NBEA: variants seen among roughly 807,000 people sequenced by gnomAD.
The protein encoded by NBEA is neurobeachin, also known as lysosomal-trafficking regulator 2.
In NBEA, 44 loss-of-function variants were observed where a neutral mutation model predicts 343.4. The ratio of observed to expected loss-of-function variants is 0.13; its 90% CI spans 0.10 to 0.16. NBEA has a LOEUF of 0.16. Ranked by LOEUF, NBEA falls within the 10% of genes least tolerant of loss-of-function variation. The probability of loss-of-function intolerance (pLI) is 1.00; values close to 1 mark genes in which losing one functional copy is unlikely to be tolerated. For missense variants in NBEA, 2,555 were observed against 3,631.3 expected, an observed-to-expected ratio of 0.70 and a Z score of 7.62; for synonymous variants, 1,175 against 1,238.7, an observed-to-expected ratio of 0.95 and a Z score of 1.08.
At chr13:35,370,208 T>C (rs1407335201) in intron 38 of NBEA, among the ~76,000 whole-genome samples, 1 of 152,028 alleles carries the variant, frequency 6.6e-6, no homozygotes, top group Non-Finnish European at 1.5e-5. Context: ...TTTATATATC[T>C]AGGTGCTCCT....
chr13:35,584,314 C>CT (rs67450016), intron 46 of NBEA, among the ~76,000 whole-genome samples: 244 of 134,294 alleles, frequency 1.8e-3, no homozygotes, highest in Middle Eastern at 7.6e-3. Flanking sequence ...GAGTACATAC[C>CT]TTTTTTTTTT....
At chr13:35,662,502 A>G (rs1259968261) in intron 55 of NBEA, among the ~76,000 whole-genome samples, 1 of 152,200 alleles carries the variant, frequency 6.6e-6, no homozygotes, top group Non-Finnish European at 1.5e-5. Flanking sequence ...GAAATATAGG[A>G]AACAAGCTTT....
chr13:35,593,422 G>C lies in NBEA; in HGVS notation c.7271G>C (p.Ser2424Thr). 2 of 1,611,692 alleles carry C rather than the reference G, an allele frequency of 1.2e-6. No individual in the cohort carries two copies. Among genetic ancestry groups the C allele is most frequent in the Non-Finnish European group, 1.7e-6 (2 of 1,178,330 alleles). ...FSSVARSWRT[S>T]QRDTSDVKEL... ...TCCGTTGCAAGGTCTTGGAGAACTA[G>C]TCAGAGAGATACTTCTGATGTAAAG... The change falls in exon 47 of 59, where the codon AGT becomes ACT. Residue 2424 changes from serine to threonine, a missense_variant. Ser to Thr is a moderately conservative substitution (Grantham distance 58). Around this residue, in one of 21 missense-constraint regions of NBEA, gnomAD observed 156 missense variants for 185.8 expected, o/e 0.84. Transcript: ENST00000379939.
chr13:34,962,855 G>A (rs998387042), intron 1 of NBEA, among the ~76,000 whole-genome samples: 4 of 152,074 alleles, frequency 2.6e-5, no homozygotes, highest in East Asian at 1.9e-4. Context: ...TCTCTCTTCC[G>A]GTATTTAGAT....
chr13:35,037,837 C>T (rs1298662489), intron 1 of NBEA, among the ~76,000 whole-genome samples: 3 of 152,160 alleles, frequency 2.0e-5, no homozygotes, highest in Non-Finnish European at 2.9e-5. Flanking sequence ...CTGCCTTAAT[C>T]GCTCCTTGGC....
intron 38 of NBEA, among the ~76,000 whole-genome samples, chr13:35,413,983 AT>A (rs1378150551): frequency 2.6e-5 from 4 of 152,146 alleles, no homozygotes; most frequent in Non-Finnish European, 5.9e-5. Context: ...TCGGTGTAGC[AT>A]GAGTACCCAT....
chr13:35,556,629 T>G (rs1160550413), intron 44 of NBEA, among the ~76,000 whole-genome samples: 1 of 152,080 alleles, frequency 6.6e-6, no homozygotes, highest in Non-Finnish European at 1.5e-5. Context: ...CCCCTAGAGA[T>G]ATTACATTTT....
chr13:35,118,167 C>A, intron 14 of NBEA, 61 bp from the exon 15 acceptor site: 1 of 1,112,916 alleles, frequency 9.0e-7, no homozygotes, highest in Non-Finnish European at 1.3e-6. Context: ...ATTTTGACAT[C>A]TTTTTTAAAT....
At chr13:35,246,374 T>C (rs578194648) in intron 34 of NBEA, among the ~76,000 whole-genome samples, 13 of 152,316 alleles carry the variant, frequency 8.5e-5, no homozygotes, top group African/African-American at 2.6e-4. Context: ...TTTGTCATAT[T>C]ACGCAAATTA....
intron 17 of NBEA, among the ~76,000 whole-genome samples, chr13:35,135,726 G>T (rs1290165579): frequency 6.6e-6 from 1 of 151,574 alleles, no homozygotes; most frequent in African/African-American, 2.4e-5. Context: ...TTAAAGAAGG[G>T]GTGTAGAATA....
intron 38 of NBEA, among the ~76,000 whole-genome samples, chr13:35,417,416 C>T (rs532000815): frequency 6.6e-6 from 1 of 151,856 alleles, no homozygotes; most frequent in Non-Finnish European, 1.5e-5. Flanking sequence ...AATGTGTCCC[C>T]GAGATTCTGC....
At chr13:35,264,505 A>G (rs117092184) in intron 34 of NBEA, among the ~76,000 whole-genome samples, 1 of 152,058 alleles carries the variant, frequency 6.6e-6, no homozygotes, top group South Asian at 2.1e-4. Flanking sequence ...GCAACAAAAT[A>G]CTAGCAAACC....
intron 33 of NBEA, among the ~76,000 whole-genome samples, chr13:35,211,855 C>A (rs188438247): frequency 1.3e-5 from 2 of 151,826 alleles, no homozygotes; most frequent in African/African-American, 4.8e-5. Context: ...AACAAACAAA[C>A]TAAGTAACTT....
Position 35,452,096 on chromosome 13 carries a change from G to A in NBEA, c.6309G>A (p.Thr2103=), listed in dbSNP as rs199826709. Residue 2103 remains threonine, a synonymous_variant, in exon 40 of 59, where the codon ACG becomes ACA. Coordinates refer to ENST00000379939, the MANE Select transcript of NBEA (RefSeq NM_001385012.1). ...ALLKAAIEYG[T]EEDVVKSKKT... is the part of the protein sequence containing the mutation. ...TTATATTTTTGTTGTGATTAGGCAC[G>A]GAAGAAGATGTAGTAAAGTCAAAGA... is the stretch of plus-strand genomic sequence containing the variant. 94 of 1,610,514 alleles carry A rather than the reference G, an allele frequency of 5.8e-5. No individual in the cohort carries two copies. The highest frequency in any genetic ancestry group is 1.7e-4 in the Admixed American group (10 of 59,528).
At chr13:35,412,326 A>G (rs2152917791) in intron 38 of NBEA, among the ~76,000 whole-genome samples, 1 of 152,296 alleles carries the variant, frequency 6.6e-6, no homozygotes, top group East Asian at 1.9e-4. Flanking sequence ...GGTGGAGAAC[A>G]GTGCCAGTAA....
rs371210151 is a variant in NBEA at position 35,649,741 on chromosome 13, A to G, written c.7857A>G (p.Pro2619=). 206 of 1,613,904 alleles carry G rather than the reference A, an allele frequency of 1.3e-4. No homozygotes were observed. Among genetic ancestry groups the G allele is most frequent in the Non-Finnish European group, 1.7e-4 (196 of 1,179,894 alleles). Residue 2619 remains proline, a synonymous_variant, in exon 52 of 59, where the codon CCA becomes CCG. Coordinates refer to ENST00000379939, the MANE Select transcript of NBEA (RefSeq NM_001385012.1). ...IMVLKFPSNS[P]VTHVAANTLP... ...TGCTGAAGTTTCCTTCAAATTCTCC[A>G]GTAACCCATGTGGCAGCCAACACTC...
At chr13:35,561,454 T>A (rs1287156457) in intron 44 of NBEA, among the ~76,000 whole-genome samples, 2 of 152,150 alleles carry the variant, frequency 1.3e-5, no homozygotes, top group Non-Finnish European at 2.9e-5. Context: ...TTTCTATAAA[T>A]ATTATCCACA....
chr13:35,475,020 G>A, intron 41 of NBEA: 1 of 1,584,188 alleles, frequency 6.3e-7, no homozygotes, highest in Non-Finnish European at 8.6e-7. Context: ...TAAGGACTTT[G>A]AGAAGGGTAA....
rs775669901 is a variant in NBEA, at chr13:35,208,718, A to G, written c.5385A>G (p.Val1795=). 3.7e-6 allele frequency: 6 copies of G among 1,600,134 alleles called. No homozygotes were observed. Among genetic ancestry groups the G allele is most frequent in the Non-Finnish European group, 5.1e-6 (6 of 1,172,118 alleles). ...TTTGCAGGAGTGTTGTGGTGCCTGT[A>G]AAGAAACCACCTCCAGGTAGTTTAG... ...HSFDRSVVVP[V]KKPPPGSLAV... is the part of the protein sequence containing the mutation. The change falls in exon 32 of 59, where the codon GTA becomes GTG. Residue 1795 remains valine, a synonymous_variant. Transcript: ENST00000379939.
Sources: allele counts gnomAD v4.1 joint callset (sites outside exome capture counted in the v4.1 genomes callset), GRCh38; gene constraint gnomAD v4.1.1; regional missense constraint gnomAD v4.1.1; transcripts MANE v1.5; gene names NCBI Gene and HGNC (gene_info 2026-07-23, HGNC 2026-07-21).